Variants in RBFOX2 observed in about 807,000 individuals in gnomAD.
RBFOX2 encodes RNA binding fox-1 homolog 2, also known as RNA binding protein fox-1 homolog 2.
RBFOX2 carries 10 observed loss-of-function variants against 49.1 expected under a neutral mutation model. The ratio of observed to expected loss-of-function variants is 0.20; its 90% CI spans 0.13 to 0.35. The LOEUF is 0.35. RBFOX2 is among the 10% of genes least tolerant of loss of function. The pLI is 1.00. For missense variants in RBFOX2, 323 were observed against 486.9 expected (o/e 0.66, Z 3.17); for synonymous variants, 183 against 187.4 (o/e 0.98, Z 0.19).
At chr22:36,022,629 C>A (rs535980700) in intron 1 of RBFOX2, among the ~76,000 whole-genome samples, 35 of 152,312 alleles carry the variant, frequency 2.3e-4, no homozygotes, top group Non-Finnish European at 4.6e-4. Context: ...GTGTTACAGG[C>A]TTAATGTCTG....
chr22:35,761,572 T>A, intron 6 of RBFOX2, 104 bp from the exon 8 acceptor site: 1 of 1,153,144 alleles, frequency 8.7e-7, no homozygotes, highest in Non-Finnish European at 1.3e-6. Flanking sequence ...TATTTTTGCC[T>A]ATTATCAACT....
At chr22:35,992,306 TACACAC>T (rs908345635) in intron 1 of RBFOX2, 1 of 151,468 alleles carries the variant, frequency 6.6e-6, no homozygotes, top group Non-Finnish European at 1.5e-5. Context: ...CACATACACA[TACACAC>T]ACACACAAGT....
chr22:35,938,836 C>T lies in RBFOX2; in HGVS notation c.-34+11G>A, dbSNP rs1275487442. On this transcript the variant is annotated intron_variant, in intron 1 of 13. Transcript: ENST00000359369. ...CATACATCATCTGAGTTACAAACAG[C>T]AGATACCAACCTGGCTGTCCCGCGC... 1 of 1,611,384 alleles carries T rather than the reference C, an allele frequency of 6.2e-7. No individual in the cohort carries two copies. Among genetic ancestry groups the T allele is most frequent in the South Asian group, 1.1e-5 (1 of 91,038 alleles).
At chr22:35,833,807 A>AAT (rs1176310870) in intron 1 of RBFOX2, among the ~76,000 whole-genome samples, 1 of 152,202 alleles carries the variant, frequency 6.6e-6, no homozygotes, top group Non-Finnish European at 1.5e-5. Flanking sequence ...GTAAGTATAT[A>AAT]AGGCTGCTGA....
intron 1 of RBFOX2, among the ~76,000 whole-genome samples, chr22:35,947,354 A>T (rs1266042367): frequency 6.6e-6 from 1 of 152,146 alleles, no homozygotes; most frequent in African/African-American, 2.4e-5. Flanking sequence ...AACAATGTAC[A>T]GTTCACAGTG....
upstream of RBFOX2, among the ~76,000 whole-genome samples, chr22:35,962,204 T>A (rs1245547805): frequency 6.6e-6 from 1 of 152,190 alleles, no homozygotes; most frequent in East Asian, 1.9e-4. Flanking sequence ...TCCTGCTATT[T>A]CCTTGATATG....
intron 1 of RBFOX2, among the ~76,000 whole-genome samples, chr22:35,925,387 G>A (rs529951634): frequency 9.8e-4 from 149 of 152,162 alleles, no homozygotes; most frequent in African/African-American, 3.3e-3. Context: ...TTAGCTAGGC[G>A]TGGTAGCACA....
At chr22:36,022,421 G>C (rs2059279527) in intron 1 of RBFOX2, among the ~76,000 whole-genome samples, 1 of 152,174 alleles carries the variant, frequency 6.6e-6, no homozygotes, top group African/African-American at 2.4e-5. Flanking sequence ...GGAGTTGGGA[G>C]ACAAACTCAA....
intron 1 of RBFOX2, among the ~76,000 whole-genome samples, chr22:35,878,658 C>G (rs1208380060): frequency 2.0e-5 from 3 of 152,186 alleles, no homozygotes; most frequent in African/African-American, 7.2e-5. Context: ...CCATGCTGGT[C>G]TTGAACTCCT....
At chr22:36,025,219 G>T (rs757453555) in intron 1 of RBFOX2, among the ~76,000 whole-genome samples, 1 of 152,078 alleles carries the variant, frequency 6.6e-6, no homozygotes, top group Admixed American at 6.6e-5. Flanking sequence ...TTAATACATT[G>T]GTCTCCTGTT....
intron 1 of RBFOX2, chr22:35,897,706 C>T: frequency 1.0e-6 from 1 of 982,396 alleles, no homozygotes; most frequent in Non-Finnish European, 1.6e-6. Context: ...AACTGCCTTC[C>T]AGCCCAAGGA....
chr22:35,978,018 G>A (rs533424775), intron 1 of RBFOX2, among the ~76,000 whole-genome samples: 98 of 152,046 alleles, frequency 6.4e-4, no homozygotes, highest in African/African-American at 2.2e-3. Flanking sequence ...CCACAAGGAA[G>A]AATGGGCCAA....
chr22:35,868,800 CAAAAT>C (rs2043995262), intron 1 of RBFOX2, among the ~76,000 whole-genome samples: 2 of 152,128 alleles, frequency 1.3e-5, no homozygotes, highest in African/African-American at 4.8e-5. Flanking sequence ...GTTCGAGACT[CAAAAT>C]AAAGATTAAG....
At chr22:35,898,395 C>G in intron 1 of RBFOX2, 4 of 470,960 alleles carry the variant, frequency 8.5e-6, no homozygotes, top group East Asian at 4.3e-5. Context: ...GATTGTGCAG[C>G]GGCCGCCATC....
intron 1 of RBFOX2, among the ~76,000 whole-genome samples, chr22:35,869,949 T>A (rs1231949847): frequency 6.6e-6 from 1 of 152,182 alleles, no homozygotes; most frequent in Non-Finnish European, 1.5e-5. Context: ...TATTATGAGT[T>A]AGAGGTTTAA....
chr22:36,028,117 G>GC, intron 1 of RBFOX2, 123 bp downstream of exon 1: 3 of 1,295,424 alleles, frequency 2.3e-6, no homozygotes, highest in African/African-American at 1.6e-5. Flanking sequence ...GCCCCGAATG[G>GC]CCCCCCATCC....
At chr22:35,902,310 C>G (rs948512511) in intron 1 of RBFOX2, among the ~76,000 whole-genome samples, 1 of 152,078 alleles carries the variant, frequency 6.6e-6, no homozygotes, top group African/African-American at 2.4e-5. Context: ...TCCATAATTA[C>G]AATCTCTCCC....
At chr22:35,784,394 T>C (rs1003670711) in intron 2 of RBFOX2, among the ~76,000 whole-genome samples, 1 of 152,200 alleles carries the variant, frequency 6.6e-6, no homozygotes, top group African/African-American at 2.4e-5. Flanking sequence ...TGAGGGTGAC[T>C]GGGTGCCTGC....
At chr22:35,822,700 T>C in intron 1 of RBFOX2, 1 of 376,526 alleles carries the variant, frequency 2.7e-6, no homozygotes, top group South Asian at 2.1e-5. Context: ...TCCATCCCCC[T>C]AAATATGAGA....
Sources: gnomAD v4.1 joint callset for allele counts (sites outside exome capture counted in the v4.1 genomes callset) on GRCh38, gnomAD v4.1.1 for gene constraint, MANE v1.5 for transcripts, NCBI Gene and HGNC (gene_info 2026-07-23, HGNC 2026-07-21) for gene names.